Variants in SCFD2 observed in about 807,000 individuals in gnomAD.
SCFD2 encodes the protein sec1 family domain-containing protein 2.
In SCFD2, 54 loss-of-function variants were observed where a neutral mutation model predicts 58.9. The observed-to-expected ratio is 0.92, with a 90% CI of 0.74 to 1.15. The LOEUF (loss-of-function observed/expected upper bound fraction) is 1.15. Ranked by LOEUF, SCFD2 falls within the 50% of genes most tolerant of loss-of-function variation. The pLI is 0.00. For missense variants in SCFD2, 805 were observed against 836.6 expected, an observed-to-expected ratio of 0.96 and a Z score of 0.47; for synonymous variants, 321 against 335.9, an observed-to-expected ratio of 0.96 and a Z score of 0.49.
At chr4:53,032,773 T>A (rs1483067069) in intron 5 of SCFD2, among the ~76,000 whole-genome samples, 3 of 152,108 alleles carry the variant, frequency 2.0e-5, no homozygotes, top group Non-Finnish European at 4.4e-5. Flanking sequence ...GAGTGAACTA[T>A]CCTTAATATA....
intron 5 of SCFD2, among the ~76,000 whole-genome samples, chr4:52,922,009 A>C (rs115010963): frequency 0.013 from 1,926 of 152,150 alleles, 39 homozygotes; most frequent in African/African-American, 0.041. Context: ...CACTGCCCAC[A>C]ACATCAACTC....
chr4:53,227,872 G>A (rs891043656), intron 4 of SCFD2, among the ~76,000 whole-genome samples: 2 of 152,156 alleles, frequency 1.3e-5, no homozygotes, highest in Non-Finnish European at 2.9e-5. Flanking sequence ...AACAGGCAGA[G>A]CTGCACTTCT....
intron 5 of SCFD2, among the ~76,000 whole-genome samples, chr4:53,053,960 C>T (rs77663844): frequency 0.013 from 1,998 of 152,084 alleles, 20 homozygotes; most frequent in Non-Finnish European, 0.022. Context: ...TATTCTTTGT[C>T]GCTATTTTGA....
chr4:52,927,305 A>T (rs1218511269), intron 5 of SCFD2, among the ~76,000 whole-genome samples: 1 of 147,978 alleles, frequency 6.8e-6, no homozygotes, highest in Non-Finnish European at 1.5e-5. Context: ...GACTAAGGTA[A>T]TTTTTTTTTT....
chr4:53,012,963 G>A (rs1376962856), intron 5 of SCFD2, among the ~76,000 whole-genome samples: 3 of 152,026 alleles, frequency 2.0e-5, no homozygotes, highest in Non-Finnish European at 4.4e-5. Flanking sequence ...TTTATGACAG[G>A]AAGGGGCCCT....
At chr4:52,972,649 G>A (rs1466968476) in intron 5 of SCFD2, among the ~76,000 whole-genome samples, 3 of 152,130 alleles carry the variant, frequency 2.0e-5, no homozygotes, top group Non-Finnish European at 2.9e-5. Context: ...ATTGAACTCA[G>A]CTCTGCACCA....
At chr4:53,351,129 A>T (rs1734207262) in intron 2 of SCFD2, among the ~76,000 whole-genome samples, 1 of 152,220 alleles carries the variant, frequency 6.6e-6, no homozygotes, top group African/African-American at 2.4e-5. Context: ...CTACCTCATT[A>T]GGATACTGTA....
In SCFD2 at chr4:52,905,462, C is replaced by T. The variant is rs116640503; in HGVS notation, c.1842+1995G>A. Among the ~76,000 whole-genome samples, 198 of 152,302 alleles carry T rather than the reference C, an allele frequency of 1.3e-3. 1 individual carries two copies. In the Middle Eastern group the frequency reaches 0.014, roughly 10 times the overall value. ...TTTGTTGCCAGCCCACCAGAACTCT[C>T]CCCCACCCCCTGTAGATAGATGAGA... On this transcript the variant is annotated intron_variant, in intron 7 of 8. Transcript: ENST00000401642.
chr4:52,976,246 G>C (rs1326642548), intron 5 of SCFD2, among the ~76,000 whole-genome samples: 1 of 152,094 alleles, frequency 6.6e-6, no homozygotes, highest in Non-Finnish European at 1.5e-5. Context: ...AAAGTGATAG[G>C]AGTAAATTTT....
chr4:53,251,368 C>T (rs1339005102), intron 4 of SCFD2, among the ~76,000 whole-genome samples: 1 of 152,152 alleles, frequency 6.6e-6, no homozygotes, highest in East Asian at 1.9e-4. Flanking sequence ...AGGGAATCCT[C>T]CCTAACTCAT....
intron 1 of SCFD2, among the ~76,000 whole-genome samples, chr4:53,363,404 C>T (rs1734602953): frequency 6.6e-6 from 1 of 152,048 alleles, no homozygotes; most frequent in African/African-American, 2.4e-5. Context: ...CCCCCTCAGC[C>T]TCCCAAAGTG....
chr4:53,208,154 T>C (rs536016621), intron 4 of SCFD2, among the ~76,000 whole-genome samples: 1 of 151,618 alleles, frequency 6.6e-6, no homozygotes, highest in South Asian at 2.1e-4. Flanking sequence ...TCTTTTTATA[T>C]ATATAGAGAG....
At chr4:53,021,829 A>G (rs1047579270) in intron 5 of SCFD2, among the ~76,000 whole-genome samples, 4 of 152,168 alleles carry the variant, frequency 2.6e-5, no homozygotes, top group African/African-American at 9.6e-5. Context: ...ACAGAAGAAT[A>G]TGTAGTTGTT....
chr4:52,918,416 C>T lies in SCFD2; in HGVS notation c.1707+2309G>A, dbSNP rs149399204. Among the ~76,000 whole-genome samples, 23 of 152,186 alleles carry T rather than the reference C, an allele frequency of 1.5e-4. No individual in the cohort carries two copies. In the East Asian group the frequency reaches 3.7e-3, roughly 24 times the overall value. On this transcript the variant is annotated intron_variant, in intron 6 of 8. Transcript: ENST00000401642. ...GATGCCACTCTAGGTACTGGGGATA[C>T]GGCAGTGAACAAAACCCATAAAAAT...
intron 4 of SCFD2, among the ~76,000 whole-genome samples, chr4:53,253,502 A>G (rs867560267): frequency 5.9e-5 from 9 of 152,304 alleles, no homozygotes; most frequent in South Asian, 4.1e-4. Context: ...ATGTCCAACA[A>G]TGATAGACTG....
At chr4:53,254,484 T>G (rs1730521374) in intron 4 of SCFD2, among the ~76,000 whole-genome samples, 1 of 151,846 alleles carries the variant, frequency 6.6e-6, no homozygotes, top group Non-Finnish European at 1.5e-5. Context: ...TTTTCTTTTT[T>G]TCTTTTTTTT....
At chr4:53,033,868 G>A (rs557747512) in intron 5 of SCFD2, among the ~76,000 whole-genome samples, 6 of 152,172 alleles carry the variant, frequency 3.9e-5, no homozygotes, top group Admixed American at 1.3e-4. Flanking sequence ...ATTCATAGCC[G>A]AATCCTACCA....
chr4:53,305,948 G>T (rs1029028036), intron 3 of SCFD2, among the ~76,000 whole-genome samples: 2 of 152,122 alleles, frequency 1.3e-5, no homozygotes, highest in African/African-American at 4.8e-5. Flanking sequence ...GTTAATTCAA[G>T]AATTTATTTA....
chr4:53,280,528 A>AG (rs974249484), intron 3 of SCFD2, among the ~76,000 whole-genome samples: 54 of 152,058 alleles, frequency 3.6e-4, no homozygotes, highest in Non-Finnish European at 6.8e-4. Context: ...AAAAAAAAAA[A>AG]GAAAGAAAGC....
Sources: allele counts gnomAD v4.1 joint callset (sites outside exome capture counted in the v4.1 genomes callset), GRCh38; gene constraint gnomAD v4.1.1; transcripts MANE v1.5; gene names NCBI Gene and HGNC (gene_info 2026-07-23, HGNC 2026-07-21).